The following ZNF721 variants were observed in gnomAD, a reference collection of about 807,000 sequenced individuals.
ZNF721 encodes zinc finger protein 721.
In ZNF721, 2 loss-of-function variants were observed where a neutral mutation model predicts 2.4. The observed-to-expected ratio is 0.82, with a 90% CI of 0.34 to 2.58. The LOEUF (loss-of-function observed/expected upper bound fraction) is 2.58, where lower values mean the gene tolerates loss of function less well. Ranked by LOEUF, ZNF721 falls within the 30% of genes most tolerant of loss-of-function variation. ZNF721 has a pLI of 0.11. For missense variants in ZNF721, 1,187 were observed against 1,085.5 expected (o/e 1.09, Z -1.31); for synonymous variants, 398 against 381.8 (o/e 1.04, Z -0.50).
chr4:483,167 G>A (rs1553869779), intron 1 of ZNF721, among the ~76,000 whole-genome samples: 1 of 152,188 alleles, frequency 6.6e-6, no homozygotes, highest in African/African-American at 2.4e-5. Flanking sequence ...TTCAGGTGGA[G>A]CATCAGCCTA....
chr4:480,424 A>G (rs902583603), intron 1 of ZNF721, among the ~76,000 whole-genome samples: 4 of 152,230 alleles, frequency 2.6e-5, no homozygotes, highest in Non-Finnish European at 5.9e-5. Context: ...AACTCAAAAC[A>G]TTGGTCATCT....
chr4:452,117 T>A (rs1458819164), intron 2 of ZNF721, among the ~76,000 whole-genome samples: 1 of 152,220 alleles, frequency 6.6e-6, no homozygotes, highest in Non-Finnish European at 1.5e-5. Context: ...TGACTGGCCC[T>A]GGCCAGGCCT....
intron 1 of ZNF721, among the ~76,000 whole-genome samples, chr4:497,216 A>C (rs1716176063): frequency 6.6e-6 from 1 of 151,824 alleles, no homozygotes; most frequent in South Asian, 2.1e-4. Flanking sequence ...GGGAACTCCC[A>C]AAAAAGGAGT....
intron 1 of ZNF721, among the ~76,000 whole-genome samples, chr4:474,775 C>T (rs757503409): frequency 6.6e-6 from 1 of 151,954 alleles, no homozygotes; most frequent in Non-Finnish European, 1.5e-5. Flanking sequence ...ACTCATGAAG[C>T]TGAGACAGGA....
intron 2 of ZNF721, among the ~76,000 whole-genome samples, chr4:451,396 C>T (rs1307415681): frequency 2.6e-5 from 4 of 152,136 alleles, no homozygotes; most frequent in Admixed American, 6.5e-5. Flanking sequence ...GCCCAGTTCA[C>T]GAAATGCCCT....
intron 1 of ZNF721, among the ~76,000 whole-genome samples, chr4:490,524 A>G (rs1715995067): frequency 6.6e-6 from 1 of 152,162 alleles, no homozygotes; most frequent in African/African-American, 2.4e-5. Flanking sequence ...AAACAATTTC[A>G]CTTGTTTCTT....
At chr4:444,782 A>G (rs1292719402) in intron 2 of ZNF721, among the ~76,000 whole-genome samples, 1 of 152,182 alleles carries the variant, frequency 6.6e-6, no homozygotes, top group Non-Finnish European at 1.5e-5. Flanking sequence ...AAGAGAAGAA[A>G]AATACTGACA....
intron 2 of ZNF721, among the ~76,000 whole-genome samples, chr4:463,983 G>A (rs1213995844): frequency 1.3e-5 from 2 of 151,886 alleles, no homozygotes; most frequent in Non-Finnish European, 2.9e-5. Context: ...AAAAAATCTC[G>A]ATAAGATGCA....
rs782038526 is a variant in ZNF721, at chr4:442,923, G to A, written c.1544C>T (p.Thr515Ile). 22 of 1,613,028 alleles carry A rather than the reference G, an allele frequency of 1.4e-5. No individual in the cohort carries two copies. The highest frequency in any genetic ancestry group is 4.5e-5 in the East Asian group (2 of 44,766). Reference sequence around the variant, plus strand: ...ATGAATTCTCCTATGTTTAGTAAGGGTTGTGGAACTAGTAAACGCTTTACC... The same window carrying A: ...ATGAATTCTCCTATGTTTAGTAAGGATTGTGGAACTAGTAAACGCTTTACC... ...ECGKAFTSST[T>I]LTKHRRIHTG... Residue 515 changes from threonine to isoleucine, a missense_variant, in exon 3 of 3, where the codon ACC becomes ATC. Coordinates refer to ENST00000511833, the MANE Select transcript of ZNF721 (RefSeq NM_133474.4).
At chr4:484,041 GC>G (rs1484809750) in intron 1 of ZNF721, among the ~76,000 whole-genome samples, 9 of 152,144 alleles carry the variant, frequency 5.9e-5, no homozygotes, top group Non-Finnish European at 1.2e-4. Context: ...GAAGTCAGGG[GC>G]CCCAAATGGA....
intron 1 of ZNF721, among the ~76,000 whole-genome samples, chr4:493,503 AC>A: frequency 6.6e-6 from 1 of 152,164 alleles, no homozygotes. Context: ...ACATGGCGAA[AC>A]CCTTTCTTTA....
intron 2 of ZNF721, among the ~76,000 whole-genome samples, chr4:465,141 G>A (rs1186052254): frequency 1.3e-5 from 2 of 150,418 alleles, no homozygotes; most frequent in Admixed American, 1.3e-4. Context: ...CTAGCACTTT[G>A]GGAGGCCATG....
At chr4:478,195 CAAG>C (rs1715682405) in intron 1 of ZNF721, among the ~76,000 whole-genome samples, 1 of 152,152 alleles carries the variant, frequency 6.6e-6, no homozygotes, top group Non-Finnish European at 1.5e-5. Flanking sequence ...TTATTTCTCT[CAAG>C]AAGACAAAAA....
rs1576951186 is a variant in ZNF721, at chr4:443,690, G to C, written c.777C>G (p.Ser259=). 1 of 1,613,094 alleles carries C rather than the reference G, an allele frequency of 6.2e-7. No homozygotes were observed. Among genetic ancestry groups the C allele is most frequent in the East Asian group, 2.2e-5 (1 of 44,756 alleles). The change falls in exon 3 of 3, where the codon TCC becomes TCG. Residue 259 remains serine (S), a synonymous_variant. Coordinates refer to ENST00000511833, the MANE Select transcript of ZNF721 (RefSeq NM_133474.4). The stretch of plus-strand genomic sequence containing the variant: ...TATGTTTAGCAAAGCTTGAGGATGA[G>C]GAAATGACTTTGCCACATTCCTTAC... ...YKCKECGKVI[S]SSSSFAKHKR... is the part of the protein sequence containing the mutation.
At chr4:449,580 TG>T (rs1257648319) in intron 2 of ZNF721, among the ~76,000 whole-genome samples, 4 of 151,892 alleles carry the variant, frequency 2.6e-5, no homozygotes, top group African/African-American at 9.7e-5. Context: ...AATATGCAAA[TG>T]GGATTACAAC....
chr4:450,957 AT>A (rs370612221), intron 2 of ZNF721, among the ~76,000 whole-genome samples: 6,127 of 33,064 alleles, frequency 0.19, 690 homozygotes, highest in Middle Eastern at 0.23. Flanking sequence ...AAAAAAAAAA[AT>A]ATATATATAT....
rs139333749 is a variant in ZNF721, at chr4:468,260, C to G, written c.34+4315G>C. Among the ~76,000 whole-genome samples the G allele has an allele frequency of 7.9e-3, 1,187 of 149,466 alleles. 16 individuals are homozygous for G. Among genetic ancestry groups the G allele is most frequent in the African/African-American group, 0.028 (1,134 of 40,444 alleles). The stretch of plus-strand genomic sequence containing the variant: ...CCAGCCTGGGTGACAGAGTGAGACT[C>G]CGACTCAAAAAAAAAAAAAAATTAG... On this transcript the variant is annotated intron_variant, in intron 2 of 2. Coordinates refer to ENST00000511833, the MANE Select transcript of ZNF721 (RefSeq NM_133474.4).
chr4:492,617 T>C (rs1705510409), intron 1 of ZNF721, among the ~76,000 whole-genome samples: 2 of 151,490 alleles, frequency 1.3e-5, no homozygotes. Flanking sequence ...TTTGGGTTTT[T>C]TTTTTTTTCA....
In ZNF721 at chr4:442,663, G is replaced by A. The variant is rs781886065; in HGVS notation, c.1804C>T (p.Gln602Ter). The A allele has an allele frequency of 1.6e-5, 25 of 1,612,752 alleles. No homozygotes were observed. The highest frequency in any genetic ancestry group is 2.1e-5 in the Non-Finnish European group (25 of 1,179,636). ...KAFGRYTDLN[Q>*]HKKIHTGEKL... ...TCTCCAGTATGAATTTTCTTGTGTTGATTCAGGTCTGTGTACCGTCCAAAG... is the reference window on the plus strand; with the variant it reads ...TCTCCAGTATGAATTTTCTTGTGTTAATTCAGGTCTGTGTACCGTCCAAAG... The change falls in exon 3 of 3, where the codon CAA becomes TAA. Residue 602 changes from glutamine to a stop codon, truncating the protein, a stop_gained. Transcript: ENST00000511833. LOFTEE classifies it low-confidence loss of function (END_TRUNC).
Sources: gnomAD v4.1 joint callset for allele counts (sites outside exome capture counted in the v4.1 genomes callset) on GRCh38, gnomAD v4.1.1 for gene constraint, MANE v1.5 for transcripts, NCBI Gene and HGNC (gene_info 2026-07-23, HGNC 2026-07-21) for gene names.